NPFFR2: variants seen among roughly 807,000 people sequenced by gnomAD.
NPFFR2 encodes neuropeptide FF receptor 2.
NPFFR2 carries 15 observed loss-of-function variants against 13.1 expected under a neutral mutation model. The observed-to-expected ratio is 1.15, with a 90% CI of 0.77 to 1.76. The LOEUF is 1.76. NPFFR2 is among the 40% of genes most tolerant of loss of function. The pLI, the probability that NPFFR2 is intolerant of heterozygous loss-of-function variation, is 0.00. For synonymous variants in NPFFR2, 190 were observed against 175.7 expected, an observed-to-expected ratio of 1.08 and a Z score of -0.65; for missense variants, 572 against 503.5, an observed-to-expected ratio of 1.14 and a Z score of -1.30.
intron 1 of NPFFR2, among the ~76,000 whole-genome samples, chr4:72,109,994 G>C (rs1484733453): frequency 1.3e-5 from 2 of 151,980 alleles, no homozygotes; most frequent in Non-Finnish European, 2.9e-5. Flanking sequence ...GGAAAAGTCT[G>C]CTGAGGGCTT....
At chr4:72,130,238 G>A (rs1201161164) in intron 2 of NPFFR2, among the ~76,000 whole-genome samples, 1 of 152,098 alleles carries the variant, frequency 6.6e-6, no homozygotes, top group East Asian at 1.9e-4. Context: ...AAAGTTCAGG[G>A]CACATGTAAG....
At chr4:72,084,356 G>A (rs1007515431) in intron 1 of NPFFR2, among the ~76,000 whole-genome samples, 2 of 152,066 alleles carry the variant, frequency 1.3e-5, no homozygotes, top group Non-Finnish European at 2.9e-5. Context: ...ATATGGCTGA[G>A]GATAAAGGTA....
chr4:72,070,177 A>G (rs1028853516), intron 1 of NPFFR2, among the ~76,000 whole-genome samples: 15 of 152,298 alleles, frequency 9.8e-5, no homozygotes, highest in Admixed American at 8.5e-4. Context: ...CCACTACACT[A>G]AATTTTCTCA....
chr4:72,128,516 C>A, intron 1 of NPFFR2, 69 bp from the exon 2 acceptor site: 1 of 933,936 alleles, frequency 1.1e-6, no homozygotes, highest in Non-Finnish European at 1.6e-6. Context: ...TCCTCTTAAA[C>A]TCAGGCACAG....
At chr4:72,060,085 A>G (rs1251831722) in intron 1 of NPFFR2, among the ~76,000 whole-genome samples, 1 of 152,132 alleles carries the variant, frequency 6.6e-6, no homozygotes, top group African/African-American at 2.4e-5. Flanking sequence ...GAACTGGTTC[A>G]GGTCTAAAAA....
intron 1 of NPFFR2, among the ~76,000 whole-genome samples, chr4:72,100,939 A>T (rs1239091817): frequency 1.3e-5 from 2 of 151,996 alleles, no homozygotes; most frequent in African/African-American, 2.4e-5. Flanking sequence ...GTATCTTTCT[A>T]TGCATTTTCC....
chr4:72,098,302 A>T (rs1359308790), intron 1 of NPFFR2, among the ~76,000 whole-genome samples: 1 of 152,216 alleles, frequency 6.6e-6, no homozygotes, highest in Non-Finnish European at 1.5e-5. Flanking sequence ...AAAAGAGATA[A>T]AATGGTACAC....
At chr4:72,091,054 A>G (rs1720906068) in intron 1 of NPFFR2, among the ~76,000 whole-genome samples, 1 of 152,002 alleles carries the variant, frequency 6.6e-6, no homozygotes, top group Middle Eastern at 3.2e-3. Context: ...GGGATGCTGG[A>G]TTTTGTCAAA....
intron 1 of NPFFR2, among the ~76,000 whole-genome samples, chr4:72,124,016 C>T (rs546436315): frequency 1.3e-5 from 2 of 152,280 alleles, no homozygotes; most frequent in South Asian, 4.2e-4. Context: ...TAGAAAACCC[C>T]ATCGTCTCAG....
At chr4:72,052,275 C>G (rs1326309776) in intron 1 of NPFFR2, among the ~76,000 whole-genome samples, 1 of 118,352 alleles carries the variant, frequency 8.4e-6, no homozygotes, top group East Asian at 2.1e-4. Flanking sequence ...AATCCAGCAG[C>G]ACATCAAAAA....
chr4:72,146,370 C>A (rs1722782390), intron 3 of NPFFR2, among the ~76,000 whole-genome samples: 1 of 152,124 alleles, frequency 6.6e-6, no homozygotes, highest in Non-Finnish European at 1.5e-5. Context: ...CCAGAAGGAC[C>A]TGCCCCACAT....
intron 1 of NPFFR2, among the ~76,000 whole-genome samples, chr4:72,092,579 T>G (rs1479964355): frequency 6.6e-6 from 1 of 152,158 alleles, no homozygotes; most frequent in Non-Finnish European, 1.5e-5. Flanking sequence ...AGTCCTCTTA[T>G]CATCGTATAT....
intron 1 of NPFFR2, among the ~76,000 whole-genome samples, chr4:72,088,820 T>G (rs756225747): frequency 1.3e-5 from 2 of 151,922 alleles, no homozygotes; most frequent in African/African-American, 2.4e-5. Flanking sequence ...CCTTGACATG[T>G]GGGGAAAACA....
intron 1 of NPFFR2, among the ~76,000 whole-genome samples, chr4:72,048,619 G>A (rs971577546): frequency 6.6e-6 from 1 of 151,716 alleles, no homozygotes; most frequent in Non-Finnish European, 1.5e-5. Context: ...AATTACTTGG[G>A]GATAGCTTCT....
At chr4:72,121,944 G>T (rs1721893229) in intron 1 of NPFFR2, among the ~76,000 whole-genome samples, 1 of 152,098 alleles carries the variant, frequency 6.6e-6, no homozygotes, top group Non-Finnish European at 1.5e-5. Flanking sequence ...CCAAGTAAAA[G>T]ACACACACTG....
intron 2 of NPFFR2, among the ~76,000 whole-genome samples, chr4:72,131,118 C>T (rs1321889624): frequency 6.6e-6 from 1 of 151,822 alleles, no homozygotes; most frequent in African/African-American, 2.4e-5. Flanking sequence ...TGCTGCTGTG[C>T]CATTGGAACC....
chr4:72,097,574 C>T (rs781442437), intron 1 of NPFFR2, among the ~76,000 whole-genome samples: 1 of 152,104 alleles, frequency 6.6e-6, no homozygotes, highest in Non-Finnish European at 1.5e-5. Context: ...CTACTGGAGA[C>T]TTTTCCTTGT....
intron 3 of NPFFR2, among the ~76,000 whole-genome samples, chr4:72,138,448 T>TC (rs1261399141): frequency 3.4e-5 from 5 of 147,950 alleles, no homozygotes; most frequent in Non-Finnish European, 7.5e-5. Flanking sequence ...TGTGTGATGT[T>TC]CCCTGCCGTG....
intron 1 of NPFFR2, among the ~76,000 whole-genome samples, chr4:72,045,272 A>G (rs1719342457): frequency 6.6e-6 from 1 of 152,124 alleles, no homozygotes; most frequent in Non-Finnish European, 1.5e-5. Context: ...ATGATATTCT[A>G]TTTATAGTTG....
Sources: gnomAD v4.1 joint callset for allele counts (sites outside exome capture counted in the v4.1 genomes callset) on GRCh38, gnomAD v4.1.1 for gene constraint, MANE v1.5 for transcripts, NCBI Gene and HGNC (gene_info 2026-07-23, HGNC 2026-07-21) for gene names.